NKAIN2: variants seen among roughly 807,000 people sequenced by gnomAD.
NKAIN2 encodes sodium/potassium transporting ATPase interacting 2.
Under a neutral mutation model 32.6 loss-of-function variants are expected in NKAIN2, and 14 were observed. The observed-to-expected ratio is 0.43, with a 90% CI of 0.28 to 0.67. NKAIN2 has a LOEUF of 0.67. Among genes scored for constraint, NKAIN2 ranks in the 30% least tolerant of loss-of-function variants. NKAIN2 has a pLI of 0.17. For missense variants in NKAIN2, 198 were observed against 258.3 expected (o/e 0.77, Z 1.60); for synonymous variants, 80 against 87.2 (o/e 0.92, Z 0.46).
At chr6:124,037,199 A>C (rs946731915) in intron 1 of NKAIN2, among the ~76,000 whole-genome samples, 3 of 152,152 alleles carry the variant, frequency 2.0e-5, no homozygotes, top group African/African-American at 7.2e-5. Flanking sequence ...TCACACAGAA[A>C]TTAATGGCAG....
chr6:124,420,619 A>C (rs958801902), intron 3 of NKAIN2, among the ~76,000 whole-genome samples: 1 of 152,158 alleles, frequency 6.6e-6, no homozygotes, highest in Non-Finnish European at 1.5e-5. Context: ...ACAGTTGACT[A>C]TATGCCAAGC....
intron 1 of NKAIN2, among the ~76,000 whole-genome samples, chr6:124,105,880 C>A (rs1424113590): frequency 6.6e-6 from 1 of 152,114 alleles, no homozygotes; most frequent in East Asian, 1.9e-4. Flanking sequence ...AACATTTATA[C>A]CCTTTAGATT....
At chr6:124,686,027 G>A (rs947176390) in intron 4 of NKAIN2, among the ~76,000 whole-genome samples, 1 of 152,148 alleles carries the variant, frequency 6.6e-6, no homozygotes, top group Non-Finnish European at 1.5e-5. Context: ...TAAATTCCAA[G>A]CTCACTGAGA....
chr6:123,862,469 G>GT (rs761436061), intron 1 of NKAIN2, among the ~76,000 whole-genome samples: 83 of 152,048 alleles, frequency 5.5e-4, no homozygotes, highest in Admixed American at 1.6e-3. Flanking sequence ...ATCCAAAAAG[G>GT]TTAAACGCAG....
chr6:123,986,979 G>A (rs1048657549), intron 1 of NKAIN2, among the ~76,000 whole-genome samples: 3 of 152,118 alleles, frequency 2.0e-5, no homozygotes, highest in Admixed American at 6.6e-5. Context: ...GGACTATAAC[G>A]TGAATATCTT....
intron 3 of NKAIN2, among the ~76,000 whole-genome samples, chr6:124,534,177 A>G (rs1242978907): frequency 2.6e-5 from 4 of 151,748 alleles, no homozygotes; most frequent in Non-Finnish European, 5.9e-5. Context: ...TGGGGGACAG[A>G]GTCTCATTCT....
chr6:124,590,477 T>G (rs1247592255), intron 3 of NKAIN2, among the ~76,000 whole-genome samples: 1 of 145,082 alleles, frequency 6.9e-6, no homozygotes, highest in Non-Finnish European at 1.5e-5. Context: ...GGAAACATAC[T>G]GAGATCTCAA....
At chr6:124,788,914 G>C (rs943235902) in intron 4 of NKAIN2, among the ~76,000 whole-genome samples, 1 of 152,084 alleles carries the variant, frequency 6.6e-6, no homozygotes, top group Admixed American at 6.6e-5. Context: ...CAGAGTTTAT[G>C]AATCTTGGTT....
chr6:124,599,529 G>T (rs1435822995), intron 3 of NKAIN2, among the ~76,000 whole-genome samples: 1 of 152,150 alleles, frequency 6.6e-6, no homozygotes, highest in East Asian at 1.9e-4. Context: ...TAATCTGCGT[G>T]TGAGGGCAAA....
chr6:124,656,903 T>G (rs1784558622), intron 3 of NKAIN2, among the ~76,000 whole-genome samples: 1 of 152,108 alleles, frequency 6.6e-6, no homozygotes, highest in African/African-American at 2.4e-5. Flanking sequence ...ATTTTGAGAT[T>G]TATCAGGCCT....
chr6:124,794,893 C>T, intron 5 of NKAIN2: 1 of 930,610 alleles, frequency 1.1e-6, no homozygotes, highest in Non-Finnish European at 1.3e-6. Context: ...AAAGGTTTGA[C>T]ATTTCTGTAT....
chr6:124,663,904 A>G (rs999680943), intron 4 of NKAIN2, among the ~76,000 whole-genome samples: 13 of 152,142 alleles, frequency 8.5e-5, no homozygotes, highest in African/African-American at 3.1e-4. Flanking sequence ...ATGCTTCTCT[A>G]TTTAGAGAAC....
intron 3 of NKAIN2, among the ~76,000 whole-genome samples, chr6:124,449,811 A>G (rs1776030408): frequency 6.6e-6 from 1 of 152,176 alleles, no homozygotes. Context: ...GAATACTTAT[A>G]TGACCAAAGG....
At chr6:123,996,155 T>G (rs1031891519) in intron 1 of NKAIN2, among the ~76,000 whole-genome samples, 3 of 152,076 alleles carry the variant, frequency 2.0e-5, no homozygotes, top group South Asian at 2.1e-4. Context: ...TATTAAAAAG[T>G]CAGTTATTTT....
chr6:124,602,127 T>C (rs1275167056), intron 3 of NKAIN2, among the ~76,000 whole-genome samples: 1 of 151,964 alleles, frequency 6.6e-6, no homozygotes, highest in African/African-American at 2.4e-5. Context: ...AATCTAAATG[T>C]ATGTTGGATG....
chr6:124,320,320 C>G (rs1016193603), intron 2 of NKAIN2, among the ~76,000 whole-genome samples: 3 of 152,034 alleles, frequency 2.0e-5, no homozygotes, highest in African/African-American at 7.2e-5. Context: ...CAGTCTTGTT[C>G]CAAAATTCAA....
intron 1 of NKAIN2, among the ~76,000 whole-genome samples, chr6:124,023,503 T>G (rs932344096): frequency 1.3e-5 from 2 of 152,186 alleles, no homozygotes; most frequent in African/African-American, 4.8e-5. Context: ...AAAATTTTTT[T>G]GAAAGCCTAC....
intron 3 of NKAIN2, among the ~76,000 whole-genome samples, chr6:124,466,940 G>C (rs905174290): frequency 5.9e-5 from 9 of 151,928 alleles, no homozygotes; most frequent in African/African-American, 2.2e-4. Context: ...AGTTATATTA[G>C]CAAAAGGTGT....
At chr6:124,590,550 G>T (rs1781873315) in intron 3 of NKAIN2, among the ~76,000 whole-genome samples, 1 of 152,194 alleles carries the variant, frequency 6.6e-6, no homozygotes, top group Non-Finnish European at 1.5e-5. Context: ...CCTTTGCTTT[G>T]CTGTAAGGGC....
Sources: gnomAD v4.1 joint callset for allele counts (sites outside exome capture counted in the v4.1 genomes callset) on GRCh38, gnomAD v4.1.1 for gene constraint, MANE v1.5 for transcripts, NCBI Gene and HGNC (gene_info 2026-07-23, HGNC 2026-07-21) for gene names.